Variants in LRRC20 observed in about 807,000 individuals in gnomAD.
LRRC20 encodes the protein leucine rich repeat containing 20.
A neutral mutation model predicts 14.4 loss-of-function variants in LRRC20; 11 were observed. The observed-to-expected ratio is 0.77, with a 90% CI of 0.48 to 1.27. The LOEUF (loss-of-function observed/expected upper bound fraction) is 1.27, where lower values mean the gene tolerates loss of function less well. LRRC20 is among the 50% of genes most tolerant of loss of function. The pLI is 0.00. For missense variants in LRRC20, 219 were observed against 251.2 expected (o/e 0.87, Z 0.87); for synonymous variants, 121 against 107.3 (o/e 1.13, Z -0.79).
intron 4 of LRRC20, among the ~76,000 whole-genome samples, chr10:70,316,936 A>G (rs112973621): frequency 0.077 from 11,692 of 152,180 alleles, 563 homozygotes; most frequent in African/African-American, 0.13. Flanking sequence ...AGAAGCTACC[A>G]CCTCGGAGGG....
At chr10:70,348,834 T>C (rs1843174219) in intron 2 of LRRC20, among the ~76,000 whole-genome samples, 1 of 152,250 alleles carries the variant, frequency 6.6e-6, no homozygotes, top group African/African-American at 2.4e-5. Flanking sequence ...TTCTGTTCTC[T>C]GGAAATTCCT....
At chr10:70,362,883 A>T (rs1843799480) in intron 2 of LRRC20, among the ~76,000 whole-genome samples, 1 of 152,146 alleles carries the variant, frequency 6.6e-6, no homozygotes, top group Admixed American at 6.5e-5. Context: ...CTAATCTCTA[A>T]TGTGATGGCA....
intron 3 of LRRC20, among the ~76,000 whole-genome samples, chr10:70,334,830 G>A (rs547446887): frequency 6.6e-6 from 1 of 152,336 alleles, no homozygotes; most frequent in East Asian, 1.9e-4. Flanking sequence ...GCGGTTGCCA[G>A]AGGTAAAGAT....
At chr10:70,349,968 G>A (rs2137055528) in intron 2 of LRRC20, among the ~76,000 whole-genome samples, 1 of 152,266 alleles carries the variant, frequency 6.6e-6, no homozygotes, top group East Asian at 1.9e-4. Flanking sequence ...AAAGGAGAGA[G>A]GGAAGGGAAC....
chr10:70,367,325 T>C (rs1205116420), intron 2 of LRRC20, among the ~76,000 whole-genome samples: 1 of 5,474 alleles, frequency 1.8e-4, no homozygotes, highest in Non-Finnish European at 5.4e-4. Context: ...TGAGACCCGG[T>C]CTCAAAAAAA....
At chr10:70,325,051 T>C (rs1842266705) in intron 3 of LRRC20, among the ~76,000 whole-genome samples, 2 of 152,054 alleles carry the variant, frequency 1.3e-5, no homozygotes, top group Admixed American at 6.5e-5. Flanking sequence ...CATCCAGGTG[T>C]GGCCTTACAG....
At chr10:70,369,898 G>A (rs772152241) in intron 2 of LRRC20, among the ~76,000 whole-genome samples, 3 of 152,062 alleles carry the variant, frequency 2.0e-5, no homozygotes, top group Non-Finnish European at 4.4e-5. Flanking sequence ...TGGGCAACAT[G>A]GCGAAACCCC....
chr10:70,326,520 T>C lies in LRRC20; in HGVS notation c.233-2490A>G, dbSNP rs542069636. 2.4e-4 allele frequency among the ~76,000 whole-genome samples: 36 copies of C among 152,320 alleles called. No homozygotes were observed. In the South Asian group the frequency reaches 6.0e-3, roughly 25 times the overall value. ...CAGGAGGCAGACAGTGCAGGGGGCC[T>C]GGACTGCCTTCCATTTTTCCATCTT... On this transcript the variant is annotated intron_variant, in intron 3 of 4. Coordinates refer to ENST00000446961, the MANE Select transcript of LRRC20 (RefSeq NM_001278212.2).
At chr10:70,348,545 C>T (rs1419607624) in intron 2 of LRRC20, among the ~76,000 whole-genome samples, 1 of 152,208 alleles carries the variant, frequency 6.6e-6, no homozygotes, top group African/African-American at 2.4e-5. Context: ...AAGTGACTTG[C>T]CCCAGGTCAT....
chr10:70,326,040 G>C (rs77896295), intron 3 of LRRC20, among the ~76,000 whole-genome samples: 11,540 of 152,128 alleles, frequency 0.076, 703 homozygotes, highest in East Asian at 0.3. Context: ...GTAAATGAAA[G>C]GCACCATGAC....
chr10:70,369,579 C>T (rs1198400621), intron 2 of LRRC20, among the ~76,000 whole-genome samples: 3 of 139,644 alleles, frequency 2.1e-5, no homozygotes, highest in Non-Finnish European at 4.5e-5. Flanking sequence ...ACTCCAGCGC[C>T]TGGGTGACAG....
intron 4 of LRRC20, among the ~76,000 whole-genome samples, chr10:70,302,393 G>C (rs976660021): frequency 4.6e-5 from 7 of 152,132 alleles, no homozygotes; most frequent in Admixed American, 4.6e-4. Flanking sequence ...ACTTATGTGA[G>C]GTACATAGAG....
At chr10:70,342,861 G>C (rs4746026) in intron 2 of LRRC20, among the ~76,000 whole-genome samples, 150,202 of 152,226 alleles carry the variant, frequency 0.99, 74,126 homozygotes, top group East Asian at 1. Context: ...CTCATCGAGC[G>C]TGACAGCACC....
intron 2 of LRRC20, 73 bp downstream of exon 2, chr10:70,376,379 A>G: frequency 6.8e-7 from 1 of 1,467,590 alleles, no homozygotes; most frequent in East Asian, 2.3e-5. Flanking sequence ...TGTGTCTTTC[A>G]TCTCTGTTTC....
In LRRC20 at chr10:70,301,068, T is replaced by G. The variant is rs1841159687; in HGVS notation, c.*286A>C. 2 of 1,202,080 alleles carry G rather than the reference T, an allele frequency of 1.7e-6. No homozygotes were observed. Among genetic ancestry groups the G allele is most frequent in the South Asian group, 6.3e-5 (2 of 31,840 alleles). 74.5% of individuals were successfully genotyped at this position (1,202,080 alleles called of 1,614,324 possible). A position where few individuals can be genotyped will look rare whatever the true frequency, so the allele number is the denominator to read the frequency against. On this transcript the variant is annotated 3_prime_UTR_variant, in exon 5 of 5. Coordinates refer to ENST00000446961, the MANE Select transcript of LRRC20 (RefSeq NM_001278212.2). ...AAAGGAGGGAAAGGGTCCTGTTTTT[T>G]TCAAGTGACAAGGCTCAGAGAGGGC... is the stretch of plus-strand genomic sequence containing the variant.
At chr10:70,301,817 T>C (rs560441790) in intron 4 of LRRC20, among the ~76,000 whole-genome samples, 1 of 152,198 alleles carries the variant, frequency 6.6e-6, no homozygotes, top group Middle Eastern at 3.2e-3. Context: ...AAAACAGGCA[T>C]TCAAACAAAT....
chr10:70,347,813 C>T (rs1241967788), intron 2 of LRRC20, among the ~76,000 whole-genome samples: 9 of 115,216 alleles, frequency 7.8e-5, no homozygotes, highest in Admixed American at 2.9e-4. Flanking sequence ...AGCGAGACTC[C>T]GTCTCAAAAA....
chr10:70,352,772 T>A (rs909124326), intron 2 of LRRC20, among the ~76,000 whole-genome samples: 5 of 152,228 alleles, frequency 3.3e-5, no homozygotes, highest in African/African-American at 4.8e-5. Context: ...AAATATTTTT[T>A]AAAATGTGCC....
chr10:70,301,560 AAAG>A (rs1841185764), intron 4 of LRRC20, 52 bp from the exon 5 acceptor site: 1 of 1,591,570 alleles, frequency 6.3e-7, no homozygotes, highest in Admixed American at 1.7e-5. Context: ...ACCAGACAGA[AAAG>A]AAGGACAATG....
Sources: gnomAD v4.1 joint callset for allele counts (sites outside exome capture counted in the v4.1 genomes callset) on GRCh38, gnomAD v4.1.1 for gene constraint, MANE v1.5 for transcripts, NCBI Gene and HGNC (gene_info 2026-07-23, HGNC 2026-07-21) for gene names.